PXDNL: variants seen among roughly 807,000 people sequenced by gnomAD.
PXDNL encodes the protein probable oxidoreductase PXDNL.
PXDNL carries 145 observed loss-of-function variants against 150.8 expected under a neutral mutation model. That is an observed-to-expected ratio of 0.96 (90% CI 0.84 to 1.10). PXDNL has a LOEUF of 1.10. PXDNL is among the 50% of genes least tolerant of loss of function. The pLI, the probability that PXDNL is intolerant of heterozygous loss-of-function variation, is 0.00. For synonymous variants in PXDNL, 757 were observed against 725.7 expected, an observed-to-expected ratio of 1.04 and a Z score of -0.69; for missense variants, 2,087 against 1,873.9, an observed-to-expected ratio of 1.11 and a Z score of -2.10.
intron 19 of PXDNL, among the ~76,000 whole-genome samples, chr8:51,358,874 A>G (rs1267287074): frequency 6.6e-6 from 1 of 152,168 alleles, no homozygotes; most frequent in Non-Finnish European, 1.5e-5. Flanking sequence ...ATCCTCCTAA[A>G]GGCTGCAGGC....
At chr8:51,403,219 A>T (rs1402501717) in intron 17 of PXDNL, among the ~76,000 whole-genome samples, 1 of 151,436 alleles carries the variant, frequency 6.6e-6, no homozygotes, top group African/African-American at 2.5e-5. Context: ...TCTTTAAAAA[A>T]TAATAAAACA....
chr8:51,368,756 G>T (rs1011855271), intron 19 of PXDNL, among the ~76,000 whole-genome samples: 2 of 152,116 alleles, frequency 1.3e-5, no homozygotes, highest in Non-Finnish European at 1.5e-5. Context: ...AGCAATTTGG[G>T]AGGCTGAGGC....
chr8:51,473,152 A>G (rs1376921593), intron 7 of PXDNL, among the ~76,000 whole-genome samples: 1 of 152,110 alleles, frequency 6.6e-6, no homozygotes, highest in Admixed American at 6.6e-5. Context: ...TGTAATTTAA[A>G]AAAAAATTCA....
At chr8:51,413,024 G>T in intron 15 of PXDNL, 126 bp downstream of exon 15, 1 of 613,434 alleles carries the variant, frequency 1.6e-6, no homozygotes, top group Admixed American at 2.8e-5. Flanking sequence ...AGATGGGGAT[G>T]CATACACAAG....
At chr8:51,325,279 C>T (rs570248030) in intron 21 of PXDNL, among the ~76,000 whole-genome samples, 5 of 152,282 alleles carry the variant, frequency 3.3e-5, no homozygotes, top group South Asian at 2.1e-4. Flanking sequence ...TGAATAATTT[C>T]GTATTGAAAC....
intron 12 of PXDNL, among the ~76,000 whole-genome samples, chr8:51,438,967 A>C (rs1809475342): frequency 6.6e-6 from 1 of 152,226 alleles, no homozygotes; most frequent in Admixed American, 6.5e-5. Flanking sequence ...AAAGCATAAA[A>C]ACTGTAGAAG....
At position 51,475,126 on chromosome 8, in the gene PXDNL, G is replaced by A. The variant is rs780684959; in HGVS notation, c.540C>T (p.Asn180=). ...TCAGATCACAGTCACAAACCAGGGC[G>A]TTGGAATCCAGACGCCTAGGCATGC... ...DSLKRLRLDS[N]ALVCDCDLMW... is the part of the protein sequence containing the mutation. The change falls in exon 7 of 23, where the codon AAC becomes AAT. Residue 180 remains asparagine, a synonymous_variant. Coordinates refer to ENST00000356297, the MANE Select transcript of PXDNL (RefSeq NM_144651.5). 1.6e-4 allele frequency: 266 copies of A among 1,612,618 alleles called. No homozygotes were observed. Among genetic ancestry groups the A allele is most frequent in the Non-Finnish European group, 2.1e-4 (243 of 1,178,868 alleles).
At chr8:51,720,414 T>C (rs1816706053) in intron 1 of PXDNL, among the ~76,000 whole-genome samples, 1 of 152,180 alleles carries the variant, frequency 6.6e-6, no homozygotes, top group South Asian at 2.1e-4. Flanking sequence ...TCAGCTGTTA[T>C]TTGTAAATAG....
At chr8:51,736,908 T>C (rs1817050486) in intron 1 of PXDNL, among the ~76,000 whole-genome samples, 1 of 152,238 alleles carries the variant, frequency 6.6e-6, no homozygotes, top group Non-Finnish European at 1.5e-5. Flanking sequence ...ATACAAAGTT[T>C]TAAGGTTGAC....
intron 4 of PXDNL, among the ~76,000 whole-genome samples, chr8:51,524,611 T>C (rs1811730287): frequency 6.6e-6 from 1 of 152,200 alleles, no homozygotes; most frequent in African/African-American, 2.4e-5. Flanking sequence ...GTGAAACTTT[T>C]CTTATGATGC....
rs527947017 is a variant in PXDNL, at chr8:51,608,813, G to A, written c.237-16115C>T. 1.9e-3 allele frequency among the ~76,000 whole-genome samples: 245 copies of A among 129,448 alleles called. 1 individual carries two copies. The highest frequency in any genetic ancestry group is 7.1e-3 in the African/African-American group (232 of 32,504). 84.9% of individuals were successfully genotyped at this position (129,448 alleles called of 152,430 possible). On this transcript the variant is annotated intron_variant, in intron 2 of 22. Transcript: ENST00000356297. ...GATTGCGCCACTGCACTCCAGCCTA[G>A]GTGACAGAGCAAGACTCTGTCTCAA...
At chr8:51,591,733 C>G (rs1051922039) in intron 3 of PXDNL, among the ~76,000 whole-genome samples, 1 of 152,118 alleles carries the variant, frequency 6.6e-6, no homozygotes, top group African/African-American at 2.4e-5. Flanking sequence ...ATTCTCCTGC[C>G]TCAGCCTCCC....
chr8:51,713,667 T>TC (rs1228387853), intron 1 of PXDNL, among the ~76,000 whole-genome samples: 1 of 152,262 alleles, frequency 6.6e-6, no homozygotes, highest in African/African-American at 2.4e-5. Context: ...ACAAGCTTTA[T>TC]CCTTTTGTAA....
At chr8:51,744,973 AAAG>A (rs1563307855) in intron 1 of PXDNL, among the ~76,000 whole-genome samples, 12,111 of 53,734 alleles carry the variant, frequency 0.23, 1,444 homozygotes, top group African/African-American at 0.27. Flanking sequence ...AGAAAGAAAG[AAAG>A]AAAGAAAGAA....
At chr8:51,700,874 A>C (rs756670058) in intron 1 of PXDNL, among the ~76,000 whole-genome samples, 4 of 152,018 alleles carry the variant, frequency 2.6e-5, no homozygotes, top group Non-Finnish European at 5.9e-5. Context: ...ACATATACAC[A>C]CACTCATATA....
chr8:51,399,340 T>A (rs1808178370), intron 17 of PXDNL, among the ~76,000 whole-genome samples: 1 of 152,192 alleles, frequency 6.6e-6, no homozygotes, highest in Admixed American at 6.5e-5. Flanking sequence ...AAATGGCTGC[T>A]TCAAATGGAA....
At chr8:51,578,678 A>G (rs1813141860) in intron 3 of PXDNL, among the ~76,000 whole-genome samples, 1 of 152,004 alleles carries the variant, frequency 6.6e-6, no homozygotes, top group Non-Finnish European at 1.5e-5. Context: ...TTGAAAAAAA[A>G]TAAAATGGAA....
At chr8:51,370,892 C>T (rs953667315) in intron 19 of PXDNL, among the ~76,000 whole-genome samples, 4 of 152,210 alleles carry the variant, frequency 2.6e-5, no homozygotes, top group African/African-American at 4.8e-5. Context: ...CCTCCGCACC[C>T]GGCCAGTGTT....
chr8:51,608,002 G>GAAGGAAGGAAGGAAGAAAGAAAGAAAGA (rs1554557476), intron 2 of PXDNL, among the ~76,000 whole-genome samples: 1 of 64,634 alleles, frequency 1.5e-5, no homozygotes, highest in African/African-American at 8.3e-5. Flanking sequence ...AGGAAGGAAG[G>GAAGGAAGGAAGGAAGAAAGAAAGAAAGA]AAGAAAGAAA....
Sources: gnomAD v4.1 joint callset for allele counts (sites outside exome capture counted in the v4.1 genomes callset) on GRCh38, gnomAD v4.1.1 for gene constraint, MANE v1.5 for transcripts, NCBI Gene and HGNC (gene_info 2026-07-23, HGNC 2026-07-21) for gene names.